The following ZBTB11 variants were observed in gnomAD, a reference collection of about 807,000 sequenced individuals.
ZBTB11 encodes zinc finger and BTB domain containing 11.
ZBTB11 carries 68 observed loss-of-function variants against 113.1 expected under a neutral mutation model. That is an observed-to-expected ratio of 0.60 (90% CI 0.49 to 0.74). The LOEUF (loss-of-function observed/expected upper bound fraction) is 0.74, where lower values mean the gene tolerates loss of function less well. ZBTB11 is among the 30% of genes least tolerant of loss of function. The probability of loss-of-function intolerance (pLI) is 0.00; values close to 1 mark genes in which losing one functional copy is unlikely to be tolerated. For missense variants in ZBTB11, 1,104 were observed against 1,279.4 expected, an observed-to-expected ratio of 0.86 and a Z score of 2.09; for synonymous variants, 518 against 452.6, an observed-to-expected ratio of 1.14 and a Z score of -1.83.
At chr3:101,655,045 T>A (rs1377749805) in intron 7 of ZBTB11, among the ~76,000 whole-genome samples, 1 of 152,066 alleles carries the variant, frequency 6.6e-6, no homozygotes, top group Non-Finnish European at 1.5e-5. Context: ...ACCCAGCTAA[T>A]TTTTTGTATT....
chr3:101,673,405 A>C (rs1937112389), intron 1 of ZBTB11, among the ~76,000 whole-genome samples: 1 of 151,974 alleles, frequency 6.6e-6, no homozygotes, highest in Non-Finnish European at 1.5e-5. Flanking sequence ...AGTTACCCCC[A>C]AATCTTCAAA....
chr3:101,665,383 T>C lies in ZBTB11; in HGVS notation c.1204A>G (p.Ile402Val), dbSNP rs183879149. The C allele has an allele frequency of 3.3e-5, 53 of 1,614,246 alleles. No homozygotes were observed. The African/African-American group carries it at 6.8e-4, about 21-fold the overall frequency. ...AESALSSVGC[I>V]ADSHPEMESV... is the part of the protein sequence containing the mutation. ...TCCATTTCAGGATGGGAATCAGCTA[T>C]ACATCCTACTGATGACAGGGCAGAT... The change falls in exon 4 of 11, where the codon ATA becomes GTA. Residue 402 changes from isoleucine to valine, a missense_variant. Ile to Val is a conservative substitution (Grantham distance 29, BLOSUM62 3). Coordinates refer to ENST00000312938, the MANE Select transcript of ZBTB11 (RefSeq NM_014415.4).
Position 101,676,962 on chromosome 3 carries a change from A to G in ZBTB11, c.-48T>C. On this transcript the variant is annotated 5_prime_UTR_variant, in exon 1 of 11. Transcript: ENST00000312938. Reference sequence around the variant, plus strand: ...GCGCCTGTCAGGGACAGGTGAGGAAAACGGCCCGCTACCTACGGGCGGCTG... The same window carrying G: ...GCGCCTGTCAGGGACAGGTGAGGAAGACGGCCCGCTACCTACGGGCGGCTG... 2 of 1,499,538 alleles carry G rather than the reference A, an allele frequency of 1.3e-6. No individual in the cohort carries two copies. The highest frequency in any genetic ancestry group is 2.4e-5 in the East Asian group (1 of 41,194). 92.9% of individuals were successfully genotyped at this position (1,499,538 alleles called of 1,614,324 possible).
At chr3:101,660,642 T>C (rs1029796096) in intron 5 of ZBTB11, among the ~76,000 whole-genome samples, 3 of 152,192 alleles carry the variant, frequency 2.0e-5, no homozygotes, top group Admixed American at 2.0e-4. Context: ...ACACACATAA[T>C]GGAAGTTGAT....
chr3:101,653,803 A>G (rs1936746384), intron 8 of ZBTB11, among the ~76,000 whole-genome samples: 1 of 152,192 alleles, frequency 6.6e-6, no homozygotes, highest in Non-Finnish European at 1.5e-5. Flanking sequence ...TGTTTAACAA[A>G]GAAAAAAAAT....
Position 101,676,883 on chromosome 3 carries a change from A to G in ZBTB11, c.32T>C (p.Leu11Pro), listed in dbSNP as rs1194020987. 1.3e-6 allele frequency: 2 copies of G among 1,597,864 alleles called. No individual in the cohort carries two copies. Among genetic ancestry groups the G allele is most frequent in the Non-Finnish European group, 1.7e-6 (2 of 1,170,506 alleles). MSSEESYRAI[L>P]RYLTNEREPY... ...CTCGCGCTCGTTCGTCAGGTAACGC[A>G]GGATGGCCCGGTAGCTTTCCTCGCT... is the stretch of plus-strand genomic sequence containing the variant. The change falls in exon 1 of 11, where the codon CTG (leucine) becomes CCG (proline). Residue 11 changes from leucine to proline, a missense_variant. Physicochemically the swap from Leu to Pro is moderately conservative, Grantham distance 98 (BLOSUM62 -3). This residue lies in a region of ZBTB11 where 245 missense variants were observed against 272.5 expected (regional missense o/e 0.90). Coordinates refer to ENST00000312938, the MANE Select transcript of ZBTB11 (RefSeq NM_014415.4).
rs1270345351 is a variant in ZBTB11, at chr3:101,650,516, G to A, written c.*650C>T. ...TTTAAAAATTAGCTATTCATTTATG[G>A]GTTCCTCATATAGATAAATATATTG... On this transcript the variant is annotated 3_prime_UTR_variant, in exon 11 of 11. Coordinates refer to ENST00000312938, the MANE Select transcript of ZBTB11 (RefSeq NM_014415.4). The A allele has an allele frequency of 1.3e-5, 2 of 152,312 alleles. No homozygotes were observed. Among genetic ancestry groups the A allele is most frequent in the African/African-American group, 2.4e-5 (1 of 41,346 alleles). 9.4% of individuals were successfully genotyped at this position (152,312 alleles called of 1,614,324 possible). A position where few individuals can be genotyped will look rare whatever the true frequency, so the allele number is the denominator to read the frequency against.
intron 5 of ZBTB11, among the ~76,000 whole-genome samples, chr3:101,661,720 CT>C (rs1453260156): frequency 1.3e-5 from 2 of 152,160 alleles, no homozygotes; most frequent in Admixed American, 1.3e-4. Flanking sequence ...TTATAATGTA[CT>C]TTAATACAGT....
At chr3:101,669,568 T>C (rs1328065447) in intron 3 of ZBTB11, among the ~76,000 whole-genome samples, 1 of 152,122 alleles carries the variant, frequency 6.6e-6, no homozygotes, top group Non-Finnish European at 1.5e-5. Context: ...ATGCATGAAA[T>C]ATAGGGAAAA....
intron 3 of ZBTB11, among the ~76,000 whole-genome samples, chr3:101,666,622 A>G (rs1017101160): frequency 6.6e-6 from 1 of 152,232 alleles, no homozygotes; most frequent in African/African-American, 2.4e-5. Flanking sequence ...TTAATTCTTA[A>G]TATTCACATG....
rs373214963 is a variant in ZBTB11 at position 101,665,495 on chromosome 3, T to C, written c.1092A>G (p.Val364=). The C allele has an allele frequency of 2.0e-5, 32 of 1,614,076 alleles. No individual in the cohort carries two copies. The highest frequency in any genetic ancestry group is 6.7e-5 in the African/African-American group (5 of 74,928). Residue 364 remains valine (V), a synonymous_variant, in exon 4 of 11, where the codon GTA becomes GTG. Coordinates refer to ENST00000312938, the MANE Select transcript of ZBTB11 (RefSeq NM_014415.4). The stretch of plus-strand genomic sequence containing the variant: ...CTGGCAATTCTCCATTTACCAGTAG[T>C]ACAATTTCACAATCCCCAAGTTCAG... ...LPTELGDCEI[V]LLVNGELPEA...
In ZBTB11 at chr3:101,672,139, T is replaced by C. The variant is rs768338893; in HGVS notation, c.385A>G (p.Ile129Val). 23 of 1,614,068 alleles carry C rather than the reference T, an allele frequency of 1.4e-5. No individual in the cohort carries two copies. The highest frequency in any genetic ancestry group is 4.5e-5 in the East Asian group (2 of 44,884). Residue 129 changes from isoleucine to valine, a missense_variant, in exon 2 of 11, where the codon ATA (isoleucine) becomes GTA (valine). Ile to Val is a conservative substitution (Grantham distance 29, BLOSUM62 3). Around this residue, in one of 5 missense-constraint regions of ZBTB11, gnomAD observed 245 missense variants for 272.5 expected, o/e 0.90. Coordinates refer to ENST00000312938, the MANE Select transcript of ZBTB11 (RefSeq NM_014415.4). ...CQEKLDRSRP[I>V]SDVSEMLEEL... Reference sequence around the variant, plus strand: ...TCCAACATTTCTGAAACATCTGATATTGGACGGGATCGATCTAGTTTCTCC... The same window carrying C: ...TCCAACATTTCTGAAACATCTGATACTGGACGGGATCGATCTAGTTTCTCC...
At chr3:101,662,030 T>C (rs938533792) in intron 5 of ZBTB11, 4 of 152,008 alleles carry the variant, frequency 2.6e-5, no homozygotes, top group Admixed American at 2.0e-4. Context: ...GTGCCCTTTA[T>C]ATTAATAAAA....
In ZBTB11 at chr3:101,654,738, G is replaced by T; in HGVS notation, c.2275C>A (p.Pro759Thr). ...TGATAGCCTCGAACCTCAGGCTTTG[G>T]TTGGTGTTTCTTGAAGTGCTTGCTG... is the stretch of plus-strand genomic sequence containing the variant. ...GLSKHFKKHQ[P>T]KPEVRGYHCT... Residue 759 changes from proline to threonine, a missense_variant, in exon 8 of 11, where the codon CCA (proline) becomes ACA (threonine). Around this residue, in one of 5 missense-constraint regions of ZBTB11, gnomAD observed 535 missense variants for 518.6 expected, o/e 1.03. Transcript: ENST00000312938. 1 of 1,614,146 alleles carries T rather than the reference G, an allele frequency of 6.2e-7. No individual in the cohort carries two copies. Among genetic ancestry groups the T allele is most frequent in the Non-Finnish European group, 8.5e-7 (1 of 1,180,020 alleles).
At chr3:101,660,630 T>C (rs911574836) in intron 5 of ZBTB11, among the ~76,000 whole-genome samples, 3 of 152,176 alleles carry the variant, frequency 2.0e-5, no homozygotes, top group African/African-American at 7.2e-5. Context: ...TAACTCTATG[T>C]AACACACATA....
Position 101,656,167 on chromosome 3 carries a change from C to T in ZBTB11, c.2128G>A (p.Glu710Lys). The T allele has an allele frequency of 6.2e-7, 1 of 1,601,538 alleles. No individual in the cohort carries two copies. ...GTAACAAATGACTTAACACACAGTTCACACTGGAACTGCTTCTGTGATTGA... is the reference window on the plus strand; with the variant it reads ...GTAACAAATGACTTAACACACAGTTTACACTGGAACTGCTTCTGTGATTGA... The part of the protein sequence containing the change: ...LHQSQKQFQC[E>K]LCVKSFVTKR... Residue 710 changes from glutamate to lysine, a missense_variant, in exon 7 of 11, where the codon GAA becomes AAA. Glu to Lys is a moderately conservative substitution (Grantham distance 56). Coordinates refer to ENST00000312938, the MANE Select transcript of ZBTB11 (RefSeq NM_014415.4).
intron 1 of ZBTB11, among the ~76,000 whole-genome samples, chr3:101,676,287 A>C (rs1254315077): frequency 3.9e-5 from 6 of 152,144 alleles, no homozygotes; most frequent in African/African-American, 1.4e-4. Context: ...CGGGGCCTAC[A>C]GCCTCAAGGG....
At chr3:101,655,460 A>G (rs1478699263) in intron 7 of ZBTB11, among the ~76,000 whole-genome samples, 2 of 152,198 alleles carry the variant, frequency 1.3e-5, no homozygotes, top group East Asian at 3.8e-4. Flanking sequence ...AAAAATAAGT[A>G]TGTATGGACA....
intron 3 of ZBTB11, among the ~76,000 whole-genome samples, chr3:101,670,119 C>G (rs1400500597): frequency 6.6e-6 from 1 of 152,304 alleles, no homozygotes; most frequent in Non-Finnish European, 1.5e-5. Context: ...GGAGCCACTG[C>G]GCCTGGCCGT....
Sources: allele counts gnomAD v4.1 joint callset (sites outside exome capture counted in the v4.1 genomes callset), GRCh38; gene constraint gnomAD v4.1.1; regional missense constraint gnomAD v4.1.1; transcripts MANE v1.5; gene names NCBI Gene and HGNC (gene_info 2026-07-23, HGNC 2026-07-21).